Variants in SLC8A3 observed in about 807,000 individuals in gnomAD.
The protein encoded by SLC8A3 is sodium/calcium exchanger 3.
In SLC8A3, 37 loss-of-function variants were observed where a neutral mutation model predicts 65.4. The observed-to-expected ratio is 0.57, with a 90% CI of 0.44 to 0.74. The LOEUF (loss-of-function observed/expected upper bound fraction) is 0.74, where lower values mean the gene tolerates loss of function less well. Among genes scored for constraint, SLC8A3 ranks in the 30% least tolerant of loss-of-function variants. The pLI is 0.00. For missense variants in SLC8A3, 1,112 were observed against 1,172.1 expected (o/e 0.95, Z 0.75); for synonymous variants, 461 against 444.5 (o/e 1.04, Z -0.47).
chr14:70,144,000 G>C lies in SLC8A3; in HGVS notation c.1784+22639C>G, dbSNP rs528239909. Among the ~76,000 whole-genome samples the C allele has an allele frequency of 9.9e-5, 15 of 152,172 alleles. 1 individual carries two copies. Among genetic ancestry groups the C allele is most frequent in the African/African-American group, 3.6e-4 (15 of 41,526 alleles). On this transcript the variant is annotated intron_variant, in intron 2 of 6. Transcript: ENST00000356921. ...CCCACAAAACCGTGGCCATGGCCTC[G>C]GACAGTACTGATCTCATGGCTTCAT...
intron 2 of SLC8A3, among the ~76,000 whole-genome samples, chr14:70,130,105 C>T (rs529543715): frequency 2.0e-5 from 3 of 152,312 alleles, no homozygotes; most frequent in South Asian, 2.1e-4. Context: ...TTCTCTGCTT[C>T]GTCTGTGTCA....
At chr14:70,048,596 G>C (rs1278759933) in intron 6 of SLC8A3, 171 bp downstream of exon 6, 4 of 702,608 alleles carry the variant, frequency 5.7e-6, no homozygotes, top group Non-Finnish European at 5.2e-6. Flanking sequence ...AATATTAGCT[G>C]TCATTACTAA....
chr14:70,160,535 A>G (rs1047382254), intron 2 of SLC8A3, among the ~76,000 whole-genome samples: 3 of 152,170 alleles, frequency 2.0e-5, no homozygotes, highest in Non-Finnish European at 2.9e-5. Flanking sequence ...GATTTTTGGT[A>G]TCCTCGGAGT....
intron 1 of SLC8A3, among the ~76,000 whole-genome samples, chr14:70,188,106 C>T (rs1282393081): frequency 6.6e-6 from 1 of 152,164 alleles, no homozygotes; most frequent in Non-Finnish European, 1.5e-5. Flanking sequence ...CCCTCCCCAC[C>T]CGGCGGCACC....
chr14:70,173,444 T>G (rs1409930160), intron 1 of SLC8A3, among the ~76,000 whole-genome samples: 1 of 152,200 alleles, frequency 6.6e-6, no homozygotes, highest in Non-Finnish European at 1.5e-5. Context: ...GGCGTCTGTG[T>G]CCTTAGCAGT....
At chr14:70,085,142 T>C (rs1891337392) in intron 2 of SLC8A3, among the ~76,000 whole-genome samples, 1 of 152,196 alleles carries the variant, frequency 6.6e-6, no homozygotes, top group African/African-American at 2.4e-5. Context: ...TGAGAAATAG[T>C]GACCCAGAAT....
At chr14:70,111,718 C>T (rs1268683704) in intron 2 of SLC8A3, among the ~76,000 whole-genome samples, 1 of 152,104 alleles carries the variant, frequency 6.6e-6, no homozygotes, top group African/African-American at 2.4e-5. Context: ...CTCTAGGATT[C>T]GTAAGGCTCA....
chr14:70,153,575 T>C (rs781779744), intron 2 of SLC8A3, among the ~76,000 whole-genome samples: 10 of 152,158 alleles, frequency 6.6e-5, no homozygotes, highest in Non-Finnish European at 1.3e-4. Context: ...AGCTAGCACA[T>C]ATGCTTGTCT....
At chr14:70,154,920 C>CTTT (rs60863511) in intron 2 of SLC8A3, among the ~76,000 whole-genome samples, 7 of 128,934 alleles carry the variant, frequency 5.4e-5, no homozygotes, top group South Asian at 2.5e-4. Context: ...ATTTATCATT[C>CTTT]TTTTTTTTTT....
chr14:70,112,080 G>A (rs1893342513), intron 2 of SLC8A3, among the ~76,000 whole-genome samples: 1 of 152,232 alleles, frequency 6.6e-6, no homozygotes, highest in African/African-American at 2.4e-5. Context: ...ACCTCAAGCA[G>A]TACTTTGGAA....
chr14:70,116,434 TG>T (rs1893671338), intron 2 of SLC8A3, among the ~76,000 whole-genome samples: 1 of 152,094 alleles, frequency 6.6e-6, no homozygotes, highest in Admixed American at 6.6e-5. Context: ...TTGAGAACTT[TG>T]GCTCTAAGGA....
At chr14:70,187,644 C>T (rs529120452) in intron 1 of SLC8A3, among the ~76,000 whole-genome samples, 1,733 of 123,620 alleles carry the variant, frequency 0.014, 43 homozygotes, top group African/African-American at 0.047. Context: ...TGTGTGTCCG[C>T]GCGCGCGTGT....
chr14:70,125,248 G>A (rs1017921441), intron 2 of SLC8A3, among the ~76,000 whole-genome samples: 10 of 152,134 alleles, frequency 6.6e-5, no homozygotes, highest in African/African-American at 1.9e-4. Context: ...GTGGTAAAGT[G>A]TGGGCTTTTA....
chr14:70,118,424 T>C (rs1217327658), intron 2 of SLC8A3, among the ~76,000 whole-genome samples: 1 of 152,132 alleles, frequency 6.6e-6, no homozygotes, highest in African/African-American at 2.4e-5. Context: ...AGCTCTCAGG[T>C]CTTCTGAAGC....
intron 2 of SLC8A3, among the ~76,000 whole-genome samples, chr14:70,147,386 G>C (rs888264561): frequency 6.6e-6 from 1 of 152,210 alleles, no homozygotes; most frequent in African/African-American, 2.4e-5. Flanking sequence ...ATGGAAGACA[G>C]ATTCCAATGT....
chr14:70,136,855 T>A (rs1021161249), intron 2 of SLC8A3, among the ~76,000 whole-genome samples: 1 of 152,250 alleles, frequency 6.6e-6, no homozygotes, highest in African/African-American at 2.4e-5. Context: ...GAAGAGTTGG[T>A]TGACCAAACA....
Position 70,144,286 on chromosome 14 carries a change from A to C in SLC8A3, c.1784+22353T>G, listed in dbSNP as rs1450945448. On this transcript the variant is annotated intron_variant, in intron 2 of 6. Transcript: ENST00000356921. Reference sequence around the variant, plus strand: ...GTTTTTATGGGAAGTAAAACAAACAAAAAAACTAACGAAAACTTCCTGTTT... The same window carrying C: ...GTTTTTATGGGAAGTAAAACAAACACAAAAACTAACGAAAACTTCCTGTTT... 2.8e-4 allele frequency among the ~76,000 whole-genome samples: 42 copies of C among 150,580 alleles called. No individual in the cohort carries two copies. In the Admixed American group the frequency reaches 2.8e-3, roughly 10 times the overall value.
intron 2 of SLC8A3, among the ~76,000 whole-genome samples, chr14:70,154,227 A>G (rs1285508041): frequency 6.6e-6 from 1 of 152,264 alleles, no homozygotes; most frequent in Non-Finnish European, 1.5e-5. Context: ...TTCTCATGCT[A>G]AAATATGTAA....
intron 2 of SLC8A3, among the ~76,000 whole-genome samples, chr14:70,154,239 A>G (rs1428528089): frequency 1.3e-5 from 2 of 152,266 alleles, no homozygotes; most frequent in African/African-American, 4.8e-5. Context: ...AATATGTAAC[A>G]CAATAGAAAG....
Sources: allele counts gnomAD v4.1 joint callset (sites outside exome capture counted in the v4.1 genomes callset), GRCh38; gene constraint gnomAD v4.1.1; transcripts MANE v1.5; gene names NCBI Gene and HGNC (gene_info 2026-07-23, HGNC 2026-07-21).